The following CUL4A variants were observed in gnomAD, a reference collection of about 807,000 sequenced individuals.
The protein encoded by CUL4A is cullin-4A.
CUL4A carries 16 observed loss-of-function variants against 95.5 expected under a neutral mutation model. The ratio of observed to expected loss-of-function variants is 0.17; its 90% CI spans 0.11 to 0.25. The LOEUF (loss-of-function observed/expected upper bound fraction) is 0.25. Among genes scored for constraint, CUL4A ranks in the 10% least tolerant of loss-of-function variants. CUL4A has a pLI of 1.00. For missense variants in CUL4A, 610 were observed against 937.0 expected, an observed-to-expected ratio of 0.65 and a Z score of 4.56; for synonymous variants, 380 against 353.1, an observed-to-expected ratio of 1.08 and a Z score of -0.85.
intron 19 of CUL4A, among the ~76,000 whole-genome samples, chr13:113,262,585 G>A (rs2042310707): frequency 1.3e-5 from 2 of 152,218 alleles, no homozygotes; most frequent in African/African-American, 4.8e-5. Context: ...GGAGGTGGAG[G>A]CTGCAGTGAG....
chr13:113,209,584 G>GGGC (rs1382693149), upstream of CUL4A: 14 of 976,110 alleles, frequency 1.4e-5, no homozygotes, highest in African/African-American at 2.1e-4. Flanking sequence ...GGAGCTCGGC[G>GGGC]GGCGGCGGCG....
At chr13:113,214,944 G>T (rs1012260518) in intron 2 of CUL4A, among the ~76,000 whole-genome samples, 16 of 147,754 alleles carry the variant, frequency 1.1e-4, no homozygotes, top group African/African-American at 3.8e-4. Context: ...CTGTGTGACT[G>T]TGGAGGTCAC....
At chr13:113,244,114 C>T in intron 11 of CUL4A, 1 of 263,022 alleles carries the variant, frequency 3.8e-6, no homozygotes. Flanking sequence ...CGTCCTGAAA[C>T]CTGAGCATGT....
rs373207135 is a variant in CUL4A at position 113,235,474 on chromosome 13, T to G, written c.848+329T>G. Among the ~76,000 whole-genome samples the G allele has an allele frequency of 2.4e-4, 36 of 152,372 alleles. No individual in the cohort carries two copies. The South Asian group carries it at 5.8e-3, about 25-fold the overall frequency. ...TGTGCATTCTCTGTTACACATTTTA[T>G]ATCGCTTTAATTTTATTTATGGTGC... On this transcript the variant is annotated intron_variant, in intron 8 of 19. Coordinates refer to ENST00000375440, the MANE Select transcript of CUL4A (RefSeq NM_001008895.4).
In CUL4A at chr13:113,266,893, TTATAGAG is replaced by T. The variant is rs1190021619; in HGVS notation, c.*3316_*3322del. 6.6e-6 allele frequency: 1 copy of T among 152,198 alleles called. No homozygotes were observed. The highest frequency in any genetic ancestry group is 2.4e-5 in the African/African-American group (1 of 41,444). The allele number at this position is 152,198 out of a possible 1,614,324, so 9.4% of individuals were successfully genotyped here. A position where few individuals can be genotyped will look rare whatever the true frequency, so the allele number is the denominator to read the frequency against. On this transcript the variant is annotated 3_prime_UTR_variant, in exon 20 of 20. Coordinates refer to ENST00000375440, the MANE Select transcript of CUL4A (RefSeq NM_001008895.4). The stretch of plus-strand genomic sequence containing the variant: ...GTAAATTGACTATTATTGTATAAAT[TTATAGAG>T]TATAAAGTGATCTTATAAATTATGC...
At chr13:113,257,419 A>G (rs528760035) in intron 18 of CUL4A, among the ~76,000 whole-genome samples, 2 of 152,332 alleles carry the variant, frequency 1.3e-5, no homozygotes, top group South Asian at 2.1e-4. Context: ...GAGAAGTTTA[A>G]TTGGCTCACG....
intron 3 of CUL4A, among the ~76,000 whole-genome samples, chr13:113,226,503 G>A (rs2041110308): frequency 6.6e-6 from 1 of 152,214 alleles, no homozygotes; most frequent in African/African-American, 2.4e-5. Flanking sequence ...GCAGTTTATT[G>A]TCATTGATGA....
intron 5 of CUL4A, chr13:113,230,046 C>T (rs1027456961): frequency 3.4e-5 from 7 of 208,878 alleles, no homozygotes; most frequent in Admixed American, 1.8e-4. Context: ...CTCTGCTGAC[C>T]CCTGTGTGTC....
intron 3 of CUL4A, among the ~76,000 whole-genome samples, chr13:113,221,300 G>T (rs893394180): frequency 3.3e-5 from 5 of 152,212 alleles, no homozygotes; most frequent in Admixed American, 3.3e-4. Context: ...TTTTAAGCAA[G>T]AAACCAGAAT....
chr13:113,262,066 C>G (rs1368442801), intron 19 of CUL4A, among the ~76,000 whole-genome samples: 1 of 152,222 alleles, frequency 6.6e-6, no homozygotes, highest in Non-Finnish European at 1.5e-5. Context: ...GCGTGAGCCA[C>G]CGCGCCCAGC....
intron 5 of CUL4A, among the ~76,000 whole-genome samples, chr13:113,230,417 C>T (rs2041269335): frequency 6.6e-6 from 1 of 152,164 alleles, no homozygotes; most frequent in South Asian, 2.1e-4. Context: ...TTTGGACACC[C>T]TGTCCTTGTT....
rs1413182897 is a variant in CUL4A, at chr13:113,210,032, G to C, written c.208G>C (p.Val70Leu). Residue 70 changes from valine (V) to leucine (L), a missense_variant, in exon 2 of 20, where the codon GTG becomes CTG. Val to Leu is a conservative substitution (Grantham distance 32). Coordinates refer to ENST00000375440, the MANE Select transcript of CUL4A (RefSeq NM_001008895.4). ...CACGTGGCGGAAGCTGCACGAGGCG[G>C]TGCGGGCCGTGCAGAGCAGCACCTC... The part of the protein sequence containing the change: ...QDTWRKLHEA[V>L]RAVQSSTSIR... The C allele has an allele frequency of 8.5e-6, 13 of 1,526,542 alleles. No individual in the cohort carries two copies. The highest frequency in any genetic ancestry group is 9.7e-6 in the Non-Finnish European group (11 of 1,137,786). 94.6% of individuals were successfully genotyped at this position (1,526,542 alleles called of 1,614,324 possible).
At chr13:113,216,241 T>G (rs763636843) in intron 2 of CUL4A, among the ~76,000 whole-genome samples, 1 of 152,234 alleles carries the variant, frequency 6.6e-6, no homozygotes, top group Non-Finnish European at 1.5e-5. Flanking sequence ...TCCATGGCCT[T>G]CCTTGTTCTG....
intron 3 of CUL4A, among the ~76,000 whole-genome samples, chr13:113,220,629 G>A (rs746550810): frequency 5.3e-5 from 8 of 152,182 alleles, no homozygotes; most frequent in East Asian, 1.9e-4. Flanking sequence ...GTCAGTAGGC[G>A]GTGATTGTTC....
At chr13:113,218,874 A>G (rs912583870) in intron 2 of CUL4A, 71 bp from the exon 3 acceptor site, 1 of 1,056,516 alleles carries the variant, frequency 9.5e-7, no homozygotes. Flanking sequence ...CAGCTATGTT[A>G]ACAATAGGGT....
intron 15 of CUL4A, among the ~76,000 whole-genome samples, chr13:113,252,702 C>T (rs1235602652): frequency 2.0e-5 from 3 of 152,180 alleles, no homozygotes; most frequent in Non-Finnish European, 2.9e-5. Context: ...CGCTCATTGC[C>T]GGGAACACCA....
intron 11 of CUL4A, among the ~76,000 whole-genome samples, chr13:113,244,057 A>G (rs1040952910): frequency 5.9e-5 from 9 of 152,218 alleles, no homozygotes; most frequent in Non-Finnish European, 1.0e-4. Flanking sequence ...CTCTGCATTC[A>G]TGACACCAGA....
At chr13:113,251,433 T>C (rs1270938281) in intron 15 of CUL4A, among the ~76,000 whole-genome samples, 1 of 152,072 alleles carries the variant, frequency 6.6e-6, no homozygotes, top group Admixed American at 6.5e-5. Context: ...TTAGAAGCCA[T>C]CCAGAGACAC....
At chr13:113,224,308 GCA>G (rs2041021013) in intron 3 of CUL4A, among the ~76,000 whole-genome samples, 1 of 151,622 alleles carries the variant, frequency 6.6e-6, no homozygotes, top group African/African-American at 2.4e-5. Flanking sequence ...AGCCGAGATC[GCA>G]CCACTGCACT....
Sources: allele counts gnomAD v4.1 joint callset (sites outside exome capture counted in the v4.1 genomes callset), GRCh38; gene constraint gnomAD v4.1.1; transcripts MANE v1.5; gene names NCBI Gene and HGNC (gene_info 2026-07-23, HGNC 2026-07-21).